The following NEBL variants were observed in gnomAD, a reference collection of about 807,000 sequenced individuals.
NEBL encodes the protein LIM and SH3 protein 2.
A neutral mutation model predicts 140.2 loss-of-function variants in NEBL; 122 were observed. That is an observed-to-expected ratio of 0.87 (90% CI 0.75 to 1.01). NEBL has a LOEUF of 1.01. Among genes scored for constraint, NEBL ranks in the 50% least tolerant of loss-of-function variants. NEBL has a pLI of 0.00. For synonymous variants in NEBL, 436 were observed against 398.9 expected, an observed-to-expected ratio of 1.09 and a Z score of -1.11; for missense variants, 1,365 against 1,231.3, an observed-to-expected ratio of 1.11 and a Z score of -1.62.
intron 9 of NEBL, among the ~76,000 whole-genome samples, chr10:20,857,555 A>G (rs767710325): frequency 2.0e-5 from 3 of 152,204 alleles, no homozygotes; most frequent in African/African-American, 4.8e-5. Context: ...TGAGATGTAC[A>G]AAATGGAGCC....
chr10:21,010,351 C>A (rs1838288086), intron 3 of NEBL, among the ~76,000 whole-genome samples: 1 of 152,152 alleles, frequency 6.6e-6, no homozygotes. Flanking sequence ...CTCAAGCGAT[C>A]CTCCTACATC....
chr10:21,174,017 TG>T, exon 1 of NEBL: 2 of 1,160,268 alleles, frequency 1.7e-6, no homozygotes, highest in East Asian at 4.3e-5. Flanking sequence ...GCCTGGCGCC[TG>T]GGGCCGGCCG....
At chr10:21,105,586 T>C (rs570820644) in intron 2 of NEBL, among the ~76,000 whole-genome samples, 5 of 152,330 alleles carry the variant, frequency 3.3e-5, no homozygotes, top group African/African-American at 1.2e-4. Flanking sequence ...CAGTCTATCA[T>C]TGATGGACAT....
chr10:21,156,701 TA>T (rs1840350201), intron 2 of NEBL, among the ~76,000 whole-genome samples: 1 of 152,064 alleles, frequency 6.6e-6, no homozygotes, highest in Admixed American at 6.5e-5. Context: ...CATTGCTTAA[TA>T]AAATAATAAA....
chr10:20,899,417 T>C, upstream of NEBL: 1 of 1,303,980 alleles, frequency 7.7e-7, no homozygotes, highest in Non-Finnish European at 1.0e-6. Context: ...TCATTTCCCA[T>C]CACGTAATAT....
At chr10:20,819,049 T>G (rs1250496253) in intron 20 of NEBL, 1 of 1,037,832 alleles carries the variant, frequency 9.6e-7, no homozygotes, top group Non-Finnish European at 1.2e-6. Flanking sequence ...TATAATTGCA[T>G]GTTGCTCAAA....
intron 2 of NEBL, among the ~76,000 whole-genome samples, chr10:21,026,737 G>A (rs1270007523): frequency 1.3e-5 from 2 of 152,164 alleles, no homozygotes; most frequent in African/African-American, 2.4e-5. Flanking sequence ...ACATGGCAGG[G>A]CTGCCTGCTA....
intron 16 of NEBL, among the ~76,000 whole-genome samples, chr10:20,829,588 A>G (rs1840209448): frequency 6.6e-6 from 1 of 151,554 alleles, no homozygotes; most frequent in Admixed American, 6.6e-5. Flanking sequence ...AAGTATAATA[A>G]TAATAAAATT....
chr10:21,273,652 C>T (rs1467590207), intron 1 of NEBL, among the ~76,000 whole-genome samples: 5 of 152,174 alleles, frequency 3.3e-5, no homozygotes, highest in South Asian at 4.1e-4. Context: ...CAAGAAAGAC[C>T]GCCTGGCAGA....
chr10:21,110,284 T>A (rs1837935099), intron 2 of NEBL, among the ~76,000 whole-genome samples: 1 of 152,120 alleles, frequency 6.6e-6, no homozygotes, highest in Admixed American at 6.6e-5. Context: ...GGCAACTGAG[T>A]CTGGAGGTGT....
chr10:20,904,566 AT>A (rs1848010595), intron 4 of NEBL, among the ~76,000 whole-genome samples: 1 of 152,182 alleles, frequency 6.6e-6, no homozygotes, highest in African/African-American at 2.4e-5. Flanking sequence ...AATTTCTAGC[AT>A]TTATTGATAT....
At position 21,016,142 on chromosome 10, in the gene NEBL, G is replaced by T. The variant is rs10828175; in HGVS notation, c.249+3975C>A. 0.051 allele frequency among the ~76,000 whole-genome samples: 7,814 copies of T among 152,308 alleles called. 1,003 individuals are homozygous for T. The East Asian group carries it at 0.55, about 11-fold the overall frequency. On this transcript the variant is annotated intron_variant, in intron 3 of 6. Coordinates refer to the NEBL transcript ENST00000417816. ...TTCATGCTGGGATGTGTGATCAAAA[G>T]GGAACTAGTAACTATAAAAGGGCTT...
chr10:21,117,412 C>T (rs1838334893), intron 2 of NEBL, among the ~76,000 whole-genome samples: 1 of 152,022 alleles, frequency 6.6e-6, no homozygotes, highest in Admixed American at 6.6e-5. Flanking sequence ...AAGATCTGGC[C>T]CTGTGAATTC....
intron 8 of NEBL, among the ~76,000 whole-genome samples, chr10:20,858,568 A>G (rs531589225): frequency 3.1e-4 from 47 of 152,308 alleles, no homozygotes; most frequent in African/African-American, 1.1e-3. Flanking sequence ...TGTTGTTCAC[A>G]TATTCAGGAA....
chr10:20,961,338 T>C (rs1836041404), intron 4 of NEBL, among the ~76,000 whole-genome samples: 2 of 152,178 alleles, frequency 1.3e-5, no homozygotes, highest in South Asian at 2.1e-4. Flanking sequence ...CCTAACCTTA[T>C]ATGTATATTT....
intron 3 of NEBL, among the ~76,000 whole-genome samples, chr10:20,982,499 A>G (rs562372022): frequency 6.6e-6 from 1 of 152,262 alleles, no homozygotes; most frequent in South Asian, 2.1e-4. Flanking sequence ...AACAATTTTC[A>G]GAGGAGAGAA....
At chr10:21,072,471 C>T (rs1835861404) in intron 2 of NEBL, among the ~76,000 whole-genome samples, 1 of 152,202 alleles carries the variant, frequency 6.6e-6, no homozygotes, top group South Asian at 2.1e-4. Context: ...CCACTTTTAT[C>T]AGGAGCCACC....
intron 2 of NEBL, among the ~76,000 whole-genome samples, chr10:21,073,617 CA>C (rs10594967): frequency 0.19 from 14,620 of 76,400 alleles, 964 homozygotes; most frequent in African/African-American, 0.29. Flanking sequence ...ACTCTGTCGT[CA>C]AAAAAAAAAA....
At position 20,946,660 on chromosome 10, in the gene NEBL, C is replaced by T. The variant is rs137875835; in HGVS notation, c.357+15012G>A. 4.4e-3 allele frequency among the ~76,000 whole-genome samples: 677 copies of T among 152,256 alleles called. 6 individuals are homozygous for T. Among genetic ancestry groups the T allele is most frequent in the African/African-American group, 0.015 (640 of 41,548 alleles). ...TATGTTTGGTAGAGACGAGGTTTCACCACGCTGTTGGCCAGGCTGGTCTCA... is the reference window on the plus strand; with the variant it reads ...TATGTTTGGTAGAGACGAGGTTTCATCACGCTGTTGGCCAGGCTGGTCTCA... On this transcript the variant is annotated intron_variant, in intron 4 of 6. Transcript: ENST00000417816.
Sources: gnomAD v4.1 joint callset for allele counts (sites outside exome capture counted in the v4.1 genomes callset) on GRCh38, gnomAD v4.1.1 for gene constraint, MANE v1.5 for transcripts, NCBI Gene and HGNC (gene_info 2026-07-23, HGNC 2026-07-21) for gene names.